The following SH3BGR variants were observed in gnomAD, a reference collection of about 807,000 sequenced individuals.
The protein encoded by SH3BGR is SH3 domain binding glutamate rich protein, also known as SH3 domain-binding glutamic acid-rich protein.
Under a neutral mutation model 24.5 loss-of-function variants are expected in SH3BGR, and 29 were observed. That is an observed-to-expected ratio of 1.18 (90% CI 0.88 to 1.61). The LOEUF is 1.61. Ranked by LOEUF, SH3BGR falls within the 40% of genes most tolerant of loss-of-function variation. SH3BGR has a pLI of 0.00. For synonymous variants in SH3BGR, 55 were observed against 65.7 expected (o/e 0.84, Z 0.79); for missense variants, 162 against 205.8 (o/e 0.79, Z 1.30).
intron 3 of SH3BGR, among the ~76,000 whole-genome samples, chr21:39,496,605 A>G (rs1023687756): frequency 6.6e-5 from 10 of 152,164 alleles, no homozygotes; most frequent in African/African-American, 1.9e-4. Flanking sequence ...TAGAATTGAT[A>G]AGATGGTTTC....
chr21:39,460,399 T>C (rs1474285910), intron 1 of SH3BGR, among the ~76,000 whole-genome samples: 1 of 152,176 alleles, frequency 6.6e-6, no homozygotes, highest in African/African-American at 2.4e-5. Context: ...GAAATGCATT[T>C]TAGTGTGGGT....
upstream of SH3BGR, among the ~76,000 whole-genome samples, chr21:39,451,665 A>G (rs562511010): frequency 3.3e-5 from 5 of 152,196 alleles, no homozygotes; most frequent in East Asian, 7.7e-4. Flanking sequence ...CCAGCTCCCA[A>G]GAGCTCCTCC....
At chr21:39,495,935 A>G (rs2078386968) in intron 3 of SH3BGR, among the ~76,000 whole-genome samples, 1 of 152,246 alleles carries the variant, frequency 6.6e-6, no homozygotes, top group South Asian at 2.1e-4. Flanking sequence ...TGCCAAGAAG[A>G]TATTCGATAT....
intron 4 of SH3BGR, among the ~76,000 whole-genome samples, chr21:39,507,298 G>A (rs765769734): frequency 6.6e-6 from 1 of 152,090 alleles, no homozygotes; most frequent in East Asian, 1.9e-4. Flanking sequence ...ATGTGGGAGT[G>A]TGTTGGATGC....
intron 2 of SH3BGR, among the ~76,000 whole-genome samples, chr21:39,466,001 G>A (rs890821795): frequency 1.3e-5 from 2 of 152,194 alleles, no homozygotes; most frequent in African/African-American, 4.8e-5. Flanking sequence ...CTTACAAACA[G>A]TGCTGTAGGA....
chr21:39,462,719 A>G (rs2077775359), intron 2 of SH3BGR, among the ~76,000 whole-genome samples, 159 bp downstream of exon 2: 1 of 152,240 alleles, frequency 6.6e-6, no homozygotes, highest in Non-Finnish European at 1.5e-5. Context: ...CATTATGAAT[A>G]ATCAATATTT....
At chr21:39,467,728 T>C (rs926984209) in intron 2 of SH3BGR, among the ~76,000 whole-genome samples, 1 of 152,180 alleles carries the variant, frequency 6.6e-6, no homozygotes, top group African/African-American at 2.4e-5. Context: ...ATGCCATGCC[T>C]GATGATGGCA....
chr21:39,457,952 C>A (rs1333195562), intron 1 of SH3BGR, among the ~76,000 whole-genome samples: 1 of 151,814 alleles, frequency 6.6e-6, no homozygotes. Flanking sequence ...ACAAAAAAAA[C>A]AAGAAACAAA....
intron 2 of SH3BGR, among the ~76,000 whole-genome samples, chr21:39,472,486 A>G (rs1175885058): frequency 6.6e-6 from 1 of 152,228 alleles, no homozygotes; most frequent in Non-Finnish European, 1.5e-5. Flanking sequence ...CATTCAAATC[A>G]CAGCAGCGGA....
chr21:39,482,696 G>A (rs1240247812), intron 3 of SH3BGR, among the ~76,000 whole-genome samples: 1 of 151,750 alleles, frequency 6.6e-6, no homozygotes, highest in Admixed American at 6.6e-5. Flanking sequence ...TTGAGACAGA[G>A]TCTCGCTCTG....
chr21:39,463,522 C>T (rs906401028), intron 2 of SH3BGR, among the ~76,000 whole-genome samples: 5 of 152,340 alleles, frequency 3.3e-5, no homozygotes, highest in South Asian at 2.1e-4. Context: ...AATGTCTCAG[C>T]GCCATGCGCC....
At chr21:39,499,260 G>GTCTA (rs1003678448) in intron 3 of SH3BGR, among the ~76,000 whole-genome samples, 1 of 151,516 alleles carries the variant, frequency 6.6e-6, no homozygotes, top group Admixed American at 6.6e-5. Context: ...TCTATCATCT[G>GTCTA]TCTATCTGTC....
intron 4 of SH3BGR, among the ~76,000 whole-genome samples, chr21:39,503,807 C>G (rs1054925341): frequency 6.6e-6 from 1 of 152,158 alleles, no homozygotes; most frequent in Non-Finnish European, 1.5e-5. Context: ...AGGATTGAGG[C>G]AGGAGGACTT....
intron 4 of SH3BGR, among the ~76,000 whole-genome samples, chr21:39,505,737 T>C (rs970064253): frequency 6.6e-6 from 1 of 152,024 alleles, no homozygotes; most frequent in African/African-American, 2.4e-5. Context: ...TGCACTCCAG[T>C]CTGGGCAACG....
intron 5 of SH3BGR, among the ~76,000 whole-genome samples, chr21:39,510,365 T>TACGTGC (rs1555915353): frequency 8.6e-6 from 1 of 115,770 alleles, no homozygotes; most frequent in African/African-American, 3.3e-5. Context: ...TGTAGCTACA[T>TACGTGC]ACACACACAC....
chr21:39,463,782 T>A (rs913611871), intron 2 of SH3BGR, among the ~76,000 whole-genome samples: 5 of 152,188 alleles, frequency 3.3e-5, no homozygotes, highest in African/African-American at 1.2e-4. Context: ...TATCTGCTTG[T>A]TCACAGAAAA....
At chr21:39,474,329 T>C (rs946180310) in intron 2 of SH3BGR, among the ~76,000 whole-genome samples, 14 of 152,196 alleles carry the variant, frequency 9.2e-5, no homozygotes, top group Admixed American at 9.2e-4. Flanking sequence ...AGTTGGTTTG[T>C]GTGTTGCCCT....
At chr21:39,499,246 CCTAT>C (rs1403631008) in intron 3 of SH3BGR, among the ~76,000 whole-genome samples, 1 of 68,806 alleles carries the variant, frequency 1.5e-5, no homozygotes. Flanking sequence ...CATCCATCCA[CCTAT>C]CTATCATCTG....
intron 1 of SH3BGR, among the ~76,000 whole-genome samples, chr21:39,458,647 C>CTTTT (rs569511494): frequency 2.3e-5 from 3 of 130,282 alleles, no homozygotes; most frequent in African/African-American, 2.9e-5. Context: ...CTAAATCTCA[C>CTTTT]TTTTTTTTTT....
Sources: gnomAD v4.1 joint callset for allele counts (sites outside exome capture counted in the v4.1 genomes callset) on GRCh38, gnomAD v4.1.1 for gene constraint, MANE v1.5 for transcripts, NCBI Gene and HGNC (gene_info 2026-07-23, HGNC 2026-07-21) for gene names.